The following CTNND2 variants were observed in gnomAD, a reference collection of about 807,000 sequenced individuals.
The protein encoded by CTNND2 is catenin delta-2.
A neutral mutation model predicts 144.4 loss-of-function variants in CTNND2; 22 were observed. The ratio of observed to expected loss-of-function variants is 0.15; its 90% confidence interval spans 0.11 to 0.22. The LOEUF is 0.22. Among genes scored for constraint, CTNND2 ranks in the 10% least tolerant of loss-of-function variants. The pLI is 1.00. For missense variants in CTNND2, 1,353 were observed against 1,618.8 expected, an observed-to-expected ratio of 0.84 and a Z score of 2.82; for synonymous variants, 751 against 695.6, an observed-to-expected ratio of 1.08 and a Z score of -1.25.
intron 1 of CTNND2, among the ~76,000 whole-genome samples, chr5:11,892,332 A>C (rs1476287890): frequency 1.3e-5 from 2 of 152,186 alleles, no homozygotes; most frequent in African/African-American, 4.8e-5. Flanking sequence ...TCAATGTACG[A>C]ACAGTCCTAC....
chr5:11,513,221 C>G (rs899266127), intron 3 of CTNND2, among the ~76,000 whole-genome samples: 1 of 152,198 alleles, frequency 6.6e-6, no homozygotes, highest in African/African-American at 2.4e-5. Context: ...CTTCCATGAG[C>G]TGCAAGACGG....
intron 2 of CTNND2, among the ~76,000 whole-genome samples, chr5:11,633,521 T>A (rs1781515563): frequency 6.6e-6 from 1 of 152,194 alleles, no homozygotes; most frequent in Admixed American, 6.5e-5. Context: ...CTCATGCCGG[T>A]AATCCCTGCA....
At chr5:11,690,535 C>T (rs559575129) in intron 2 of CTNND2, among the ~76,000 whole-genome samples, 1 of 151,810 alleles carries the variant, frequency 6.6e-6, no homozygotes, top group African/African-American at 2.4e-5. Context: ...AGATCGAGAC[C>T]ATCCTGGCTA....
intron 1 of CTNND2, among the ~76,000 whole-genome samples, chr5:11,752,802 T>C (rs75662198): frequency 0.083 from 12,629 of 151,946 alleles, 1,406 homozygotes; most frequent in African/African-American, 0.25. Context: ...GTATTCTTCC[T>C]ATCTATGAGC....
intron 1 of CTNND2, among the ~76,000 whole-genome samples, chr5:11,764,293 A>T (rs1267849139): frequency 2.0e-5 from 3 of 152,170 alleles, no homozygotes; most frequent in Non-Finnish European, 4.4e-5. Context: ...GATATTGGCC[A>T]AGTGAGGCCT....
At chr5:11,022,620 T>C (rs950885345) in intron 17 of CTNND2, 149 bp downstream of exon 17, 5 of 662,714 alleles carry the variant, frequency 7.5e-6, no homozygotes, top group Admixed American at 7.1e-5. Context: ...GAGAGAAGAC[T>C]GGAAACCATT....
intron 2 of CTNND2, among the ~76,000 whole-genome samples, chr5:11,605,829 A>G (rs1382815569): frequency 6.6e-6 from 1 of 152,172 alleles, no homozygotes; most frequent in Non-Finnish European, 1.5e-5. Flanking sequence ...GAAGAATTCT[A>G]AAGATGTCCC....
intron 16 of CTNND2, among the ~76,000 whole-genome samples, chr5:11,062,705 G>A (rs1012000261): frequency 2.0e-5 from 3 of 152,248 alleles, no homozygotes; most frequent in African/African-American, 4.8e-5. Flanking sequence ...CGGGGACCGC[G>A]TAAAGGCTTG....
chr5:11,475,649 C>G (rs936743753), intron 3 of CTNND2, among the ~76,000 whole-genome samples: 9 of 152,240 alleles, frequency 5.9e-5, no homozygotes, highest in Admixed American at 5.2e-4. Context: ...GGGTGCAGTT[C>G]TCAAAGAGAG....
chr5:11,018,491 C>T (rs1741863000), intron 17 of CTNND2, among the ~76,000 whole-genome samples: 1 of 152,182 alleles, frequency 6.6e-6, no homozygotes, highest in African/African-American at 2.4e-5. Flanking sequence ...GGGCCAAAAG[C>T]TGGGCCTCTT....
chr5:11,445,938 C>T (rs1295561833), intron 3 of CTNND2, among the ~76,000 whole-genome samples: 2 of 152,104 alleles, frequency 1.3e-5, no homozygotes, highest in African/African-American at 2.4e-5. Flanking sequence ...GTATCAGATA[C>T]CAAAATAAGG....
intron 1 of CTNND2, among the ~76,000 whole-genome samples, chr5:11,859,615 C>T (rs1029880202): frequency 3.9e-5 from 6 of 152,150 alleles, no homozygotes; most frequent in Non-Finnish European, 5.9e-5. Flanking sequence ...ACATGATTTC[C>T]ACAGAACAAT....
intron 8 of CTNND2, 150 bp from the exon 9 acceptor site, chr5:11,346,777 A>G: frequency 1.4e-6 from 1 of 719,122 alleles, no homozygotes; most frequent in Non-Finnish European, 2.0e-6. Context: ...TATTTGAACC[A>G]ATACATTCAA....
intron 7 of CTNND2, among the ~76,000 whole-genome samples, chr5:11,377,783 G>C (rs1386116729): frequency 1.3e-5 from 2 of 152,130 alleles, no homozygotes; most frequent in East Asian, 3.9e-4. Context: ...TTGCCATACG[G>C]GAGTGTTAAA....
At chr5:11,742,177 C>A (rs1439356912) in intron 1 of CTNND2, among the ~76,000 whole-genome samples, 4 of 152,090 alleles carry the variant, frequency 2.6e-5, no homozygotes, top group Non-Finnish European at 4.4e-5. Flanking sequence ...CCAACCACCA[C>A]CTGTTACCCC....
Position 11,891,461 on chromosome 5 carries a change from T to C in CTNND2, c.37+12356A>G, listed in dbSNP as rs192160702. Among the ~76,000 whole-genome samples the C allele has an allele frequency of 9.4e-4, 143 of 152,274 alleles. 2 individuals carry two copies. The highest frequency in any genetic ancestry group is 1.0e-3 in the Admixed American group (16 of 15,290). ...TTATAGATTGAATGTTTGCGTCTTCTCCTCACCCACCAACAAAGTAATATG... is the reference window on the plus strand; with the variant it reads ...TTATAGATTGAATGTTTGCGTCTTCCCCTCACCCACCAACAAAGTAATATG... On this transcript the variant is annotated intron_variant, in intron 1 of 21. Transcript: ENST00000304623.
chr5:11,145,791 G>T (rs1245443444), intron 12 of CTNND2, among the ~76,000 whole-genome samples: 1 of 152,038 alleles, frequency 6.6e-6, no homozygotes. Flanking sequence ...TCCAAATGAC[G>T]CTCCTTCACA....
intron 1 of CTNND2, among the ~76,000 whole-genome samples, chr5:11,742,942 T>C (rs1191390453): frequency 6.6e-6 from 1 of 152,212 alleles, no homozygotes; most frequent in Non-Finnish European, 1.5e-5. Flanking sequence ...TATTTGTAAC[T>C]AGCATATCGC....
rs34532125 is a variant in CTNND2, at chr5:11,545,662, C to CAAAA, written c.287+19278_287+19281dup. Among the ~76,000 whole-genome samples, 444 of 74,118 alleles carry CAAAA rather than the reference C, an allele frequency of 6.0e-3. 1 individual carries two copies. Among genetic ancestry groups the CAAAA allele is most frequent in the East Asian group, 0.016 (35 of 2,160 alleles). The allele number at this position is 74,118 out of a possible 152,430, so 48.6% of individuals were successfully genotyped here. A position where few individuals can be genotyped will look rare whatever the true frequency, so the allele number is the denominator to read the frequency against. On this transcript the variant is annotated intron_variant, in intron 3 of 21. Transcript: ENST00000304623. Reference sequence around the variant, plus strand: ...TTGGTGACAGAGCAAGACTGTGTCTCAAAAAAAAAAAAAAAAAAAAAAGGA... The same window carrying CAAAA: ...TTGGTGACAGAGCAAGACTGTGTCTCAAAAAAAAAAAAAAAAAAAAAAAAAAGGA...
Sources: allele counts gnomAD v4.1 joint callset (sites outside exome capture counted in the v4.1 genomes callset), GRCh38; gene constraint gnomAD v4.1.1; transcripts MANE v1.5; gene names NCBI Gene and HGNC (gene_info 2026-07-23, HGNC 2026-07-21).